The following TRIP11 variants were observed in gnomAD, a reference collection of about 807,000 sequenced individuals.
TRIP11 encodes thyroid hormone receptor interactor 11.
TRIP11 carries 148 observed loss-of-function variants against 223.1 expected under a neutral mutation model. That is an observed-to-expected ratio of 0.66 (90% CI 0.58 to 0.76). The LOEUF is 0.76. TRIP11 is among the 30% of genes least tolerant of loss of function. The pLI is 0.00. For synonymous variants in TRIP11, 762 were observed against 772.6 expected (o/e 0.99, Z 0.23); for missense variants, 2,043 against 2,222.0 (o/e 0.92, Z 1.62).
chr14:91,993,202 C>T (rs1036381606), intron 15 of TRIP11, among the ~76,000 whole-genome samples: 9 of 151,638 alleles, frequency 5.9e-5, no homozygotes, highest in Non-Finnish European at 1.0e-4. Flanking sequence ...ACACGCCAGG[C>T]GCAGTGGCTC....
intron 14 of TRIP11, among the ~76,000 whole-genome samples, 176 bp downstream of exon 14, chr14:91,995,176 G>A (rs891433965): frequency 4.6e-5 from 7 of 151,952 alleles, no homozygotes; most frequent in South Asian, 2.1e-4. Context: ...TTATTTTCTC[G>A]TCTTAATTGT....
At chr14:92,009,770 G>GT (rs2056948918) in intron 9 of TRIP11, among the ~76,000 whole-genome samples, 1 of 152,092 alleles carries the variant, frequency 6.6e-6, no homozygotes, top group African/African-American at 2.4e-5. Context: ...TGGAAATATG[G>GT]TATGTAAAAA....
chr14:92,015,613 G>A lies in TRIP11; in HGVS notation c.823+83C>T, dbSNP rs148669943. On this transcript the variant is annotated intron_variant, in intron 6 of 20. Coordinates refer to ENST00000267622, the MANE Select transcript of TRIP11 (RefSeq NM_004239.4). ...GCGGAGGTTGCAGTGAGCCGAGATC[G>A]CGCCAGTGCACTCCAGCCTGGGCAA... is the stretch of plus-strand genomic sequence containing the variant. 3,478 of 1,192,838 alleles carry A rather than the reference G, an allele frequency of 2.9e-3. 59 individuals carry two copies. The African/African-American group carries it at 0.047, about 16-fold the overall frequency. The allele number at this position is 1,192,838 out of a possible 1,614,324, so 73.9% of individuals were successfully genotyped here.
Position 92,021,677 on chromosome 14 carries a change from G to A in TRIP11, c.467C>T (p.Ala156Val). 1.9e-6 allele frequency: 3 copies of A among 1,614,122 alleles called. No homozygotes were observed. The highest frequency in any genetic ancestry group is 3.3e-5 in the Admixed American group (2 of 60,022). Residue 156 changes from alanine (A) to valine (V), a missense_variant, in exon 4 of 21, where the codon GCT becomes GTT. Ala to Val is a moderately conservative substitution (Grantham distance 64). Transcript: ENST00000267622. ...FAYGISHHPSAFHDDDMDFGD... is the reference protein window; with the variant it reads ...FAYGISHHPSVFHDDDMDFGD... ...AAAGTCCATGTCATCGTCATGGAAAGCTGAAGGATGATGACTAATCCCATA... is the reference window on the plus strand; with the variant it reads ...AAAGTCCATGTCATCGTCATGGAAAACTGAAGGATGATGACTAATCCCATA...
At chr14:91,990,125 A>G (rs1001633835) in intron 15 of TRIP11, among the ~76,000 whole-genome samples, 2 of 152,240 alleles carry the variant, frequency 1.3e-5, no homozygotes, top group Non-Finnish European at 2.9e-5. Flanking sequence ...ACATATACAT[A>G]CACACCCTAC....
intron 20 of TRIP11, among the ~76,000 whole-genome samples, chr14:91,971,610 G>C (rs2056401340): frequency 1.3e-5 from 2 of 151,846 alleles, no homozygotes; most frequent in South Asian, 4.2e-4. Flanking sequence ...AGGAAGGGTG[G>C]GAAAAGAAGG....
At position 92,015,833 on chromosome 14, in the gene TRIP11, AT is replaced by A. The variant is rs2057029548; in HGVS notation, c.685del (p.Ile229LeufsTer19). Reference sequence around the variant, plus strand: ...TGACATTTCATGTTGATGGTCATCAATTTCCTGACTTCGGTTCTGTTTTAGT... The same window carrying A: ...TGACATTTCATGTTGATGGTCATCAATTCCTGACTTCGGTTCTGTTTTAGT... Reference protein sequence around the residue: ...KELKQNRSQEIDDHQHEMSVL... With the variant: ...KELKQNRSQEXDDHQHEMSVL... On this transcript the variant is annotated frameshift_variant, in exon 6 of 21. Transcript: ENST00000267622. LOFTEE classifies it high-confidence loss of function. The A allele has an allele frequency of 6.2e-7, 1 of 1,612,514 alleles. No homozygotes were observed. Among genetic ancestry groups the A allele is most frequent in the Non-Finnish European group, 8.5e-7 (1 of 1,179,778 alleles).
At chr14:92,011,176 A>T (rs940183787) in intron 8 of TRIP11, 104 bp from the exon 9 acceptor site, 8 of 1,027,698 alleles carry the variant, frequency 7.8e-6, no homozygotes, top group Non-Finnish European at 1.2e-5. Flanking sequence ...TATTTCTTTA[A>T]TGATATGTAG....
intron 16 of TRIP11, among the ~76,000 whole-genome samples, chr14:91,981,106 C>T (rs2056538234): frequency 6.8e-6 from 1 of 146,486 alleles, no homozygotes; most frequent in Non-Finnish European, 1.5e-5. Context: ...ACCTCCACCT[C>T]CCAGGTTCAA....
Position 92,004,235 on chromosome 14 carries a change from G to A in TRIP11, c.3741C>T (p.His1247=). The A allele has an allele frequency of 6.2e-7, 1 of 1,614,100 alleles. No individual in the cohort carries two copies. ...CAACCAAAACCTGTGCTTGAAGTTG[G>A]TGAAGCTCTTCCTGAAGCTGGGCTG... is the stretch of plus-strand genomic sequence containing the variant. The part of the protein sequence containing the change: ...HESAQLQEEL[H]QLQAQVLVDS... Residue 1247 remains histidine, a synonymous_variant, in exon 11 of 21, where the codon CAC becomes CAT. Coordinates refer to ENST00000267622, the MANE Select transcript of TRIP11 (RefSeq NM_004239.4).
rs200939525 is a variant in TRIP11 at position 91,980,990 on chromosome 14, T to TTATA, written c.5261-4805_5261-4802dup. 6.1e-3 allele frequency among the ~76,000 whole-genome samples: 457 copies of TTATA among 75,324 alleles called. 2 individuals carry two copies. Among genetic ancestry groups the TTATA allele is most frequent in the East Asian group, 0.012 (24 of 1,984 alleles). 49.4% of individuals were successfully genotyped at this position (75,324 alleles called of 152,430 possible). On this transcript the variant is annotated intron_variant, in intron 16 of 20. Coordinates refer to ENST00000267622, the MANE Select transcript of TRIP11 (RefSeq NM_004239.4). ...TTTAACATCAAATTTTATATGTATA[T>TTATA]TATATATATATATATATATATATTT... is the stretch of plus-strand genomic sequence containing the variant.
intron 9 of TRIP11, among the ~76,000 whole-genome samples, chr14:92,010,454 C>A (rs1261647359): frequency 1.3e-5 from 2 of 152,018 alleles, no homozygotes; most frequent in South Asian, 2.1e-4. Context: ...CGCTTGAACC[C>A]GGGAGGCGGA....
intron 2 of TRIP11, among the ~76,000 whole-genome samples, chr14:92,029,327 A>C (rs2057233761): frequency 1.8e-5 from 2 of 111,092 alleles, no homozygotes; most frequent in Non-Finnish European, 3.3e-5. Flanking sequence ...ATGGAGTCTC[A>C]CTCTGTCACC....
Position 91,969,143 on chromosome 14 carries a change from C to T in TRIP11, c.*530G>A, listed in dbSNP as rs2056370105. On this transcript the variant is annotated 3_prime_UTR_variant, in exon 21 of 21. Coordinates refer to ENST00000267622, the MANE Select transcript of TRIP11 (RefSeq NM_004239.4). ...AATATTGCACAGGACCAAATACATA[C>T]TTCACCTCAGGGAACCTATGACCTT... 4.1e-6 allele frequency: 1 copy of T among 242,982 alleles called. No individual in the cohort carries two copies. The highest frequency in any genetic ancestry group is 2.2e-5 in the African/African-American group (1 of 45,124). 15.1% of individuals were successfully genotyped at this position (242,982 alleles called of 1,614,324 possible).
chr14:92,015,445 G>T (rs1478794756), intron 6 of TRIP11, among the ~76,000 whole-genome samples: 1 of 152,016 alleles, frequency 6.6e-6, no homozygotes, highest in Non-Finnish European at 1.5e-5. Flanking sequence ...GACCACCCGA[G>T]ATCACGAGTT....
chr14:91,996,604 C>T (rs1282080098), intron 13 of TRIP11, among the ~76,000 whole-genome samples: 2 of 152,240 alleles, frequency 1.3e-5, no homozygotes, highest in South Asian at 2.1e-4. Flanking sequence ...TGCTTCCAGG[C>T]TAAAACTCTA....
At chr14:91,976,496 G>T (rs1270043659) in intron 16 of TRIP11, among the ~76,000 whole-genome samples, 1 of 152,176 alleles carries the variant, frequency 6.6e-6, no homozygotes, top group Admixed American at 6.5e-5. Flanking sequence ...GCAAAGAAGA[G>T]ATTTTCATCA....
chr14:92,017,738 G>A lies in TRIP11; in HGVS notation c.601C>T (p.Gln201Ter). ...WRHIAQTSKA[Q>*]GTDNSDQSEI... ...CTTTGATCAGAGTTATCTGTTCCTT[G>A]TGCTTTGGAAGTCTAGATCAGAAAA... is the stretch of plus-strand genomic sequence containing the variant. Residue 201 changes from glutamine (Q) to a stop codon, truncating the protein, a stop_gained, in exon 5 of 21, where the codon CAA becomes TAA. Coordinates refer to ENST00000267622, the MANE Select transcript of TRIP11 (RefSeq NM_004239.4). LOFTEE classifies it high-confidence loss of function. 6.2e-7 allele frequency: 1 copy of A among 1,612,690 alleles called. No homozygotes were observed. The highest frequency in any genetic ancestry group is 8.5e-7 in the Non-Finnish European group (1 of 1,179,274).
rs2056789871 is a variant in TRIP11 at position 91,999,273 on chromosome 14, A to C, written c.4859T>G (p.Leu1620Arg). The C allele has an allele frequency of 1.2e-6, 2 of 1,613,688 alleles. No individual in the cohort carries two copies. Among genetic ancestry groups the C allele is most frequent in the Admixed American group, 1.7e-5 (1 of 60,002 alleles). ...RKKVTVLEEK[L>R]VSSSNAMENA... Reference sequence around the variant, plus strand: ...TTCCATTGCATTAGAGGATGAAACTAGCTTTTCCTCCAATACTGTGACTTT... The same window carrying C: ...TTCCATTGCATTAGAGGATGAAACTCGCTTTTCCTCCAATACTGTGACTTT... The change falls in exon 13 of 21, where the codon CTA becomes CGA. Residue 1620 changes from leucine (L) to arginine (R), a missense_variant. Transcript: ENST00000267622.
Sources: allele counts gnomAD v4.1 joint callset (sites outside exome capture counted in the v4.1 genomes callset), GRCh38; gene constraint gnomAD v4.1.1; transcripts MANE v1.5; gene names NCBI Gene and HGNC (gene_info 2026-07-23, HGNC 2026-07-21).